SEMA3A: variants seen among roughly 807,000 people sequenced by gnomAD.
SEMA3A encodes the protein semaphorin-3A.
SEMA3A carries 29 observed loss-of-function variants against 97.9 expected under a neutral mutation model. That is an observed-to-expected ratio of 0.30 (90% CI 0.22 to 0.40). The LOEUF (loss-of-function observed/expected upper bound fraction) is 0.40, where lower values mean the gene tolerates loss of function less well. Ranked by LOEUF, SEMA3A falls within the 10% of genes least tolerant of loss-of-function variation. The probability of loss-of-function intolerance (pLI) is 1.00; values close to 1 mark genes in which losing one functional copy is unlikely to be tolerated. For missense variants in SEMA3A, 763 were observed against 951.3 expected (o/e 0.80, Z 2.60); for synonymous variants, 321 against 323.7 (o/e 0.99, Z 0.09).
chr7:84,092,329 T>C (rs1794628360), intron 4 of SEMA3A, among the ~76,000 whole-genome samples: 1 of 152,148 alleles, frequency 6.6e-6, no homozygotes, highest in Admixed American at 6.6e-5. Flanking sequence ...CTTTCAGTGA[T>C]TATCTTTTGA....
At chr7:84,421,461 A>G (rs1401860156) in intron 1 of SEMA3A, among the ~76,000 whole-genome samples, 1 of 152,066 alleles carries the variant, frequency 6.6e-6, no homozygotes, top group Admixed American at 6.6e-5. Flanking sequence ...TAACTGTAGA[A>G]GTAAATATAA....
At chr7:84,330,868 T>C (rs1801894744) in intron 2 of SEMA3A, among the ~76,000 whole-genome samples, 1 of 152,094 alleles carries the variant, frequency 6.6e-6, no homozygotes, top group Non-Finnish European at 1.5e-5. Flanking sequence ...ATGAAAAGTA[T>C]AGAAATGGAT....
chr7:84,292,434 T>TAA (rs768960520), intron 3 of SEMA3A, among the ~76,000 whole-genome samples: 28 of 141,516 alleles, frequency 2.0e-4, no homozygotes, highest in African/African-American at 5.9e-4. Flanking sequence ...AATACTTGAC[T>TAA]AAAAAAAAAA....
chr7:84,215,716 C>T (rs1798737285), intron 3 of SEMA3A, among the ~76,000 whole-genome samples: 1 of 152,142 alleles, frequency 6.6e-6, no homozygotes, highest in African/African-American at 2.4e-5. Context: ...TGGAATTGTG[C>T]CTGGGACATA....
chr7:84,361,407 A>G (rs1802716038), intron 2 of SEMA3A, among the ~76,000 whole-genome samples: 1 of 152,110 alleles, frequency 6.6e-6, no homozygotes, highest in African/African-American at 2.4e-5. Context: ...AAAAATAAGA[A>G]AACTGAAATA....
chr7:84,335,549 G>A (rs12234412), intron 2 of SEMA3A, among the ~76,000 whole-genome samples: 2,707 of 152,180 alleles, frequency 0.018, 79 homozygotes, highest in East Asian at 0.12. Context: ...GCTGAAAAGC[G>A]AAGATTATGC....
At chr7:84,411,531 G>A (rs1634614) in intron 1 of SEMA3A, among the ~76,000 whole-genome samples, 26,603 of 150,626 alleles carry the variant, frequency 0.18, 2,492 homozygotes, top group Middle Eastern at 0.22. Flanking sequence ...TAATATAATT[G>A]CATCAGTTTC....
At chr7:84,044,900 C>G (rs1306836908) in intron 6 of SEMA3A, among the ~76,000 whole-genome samples, 1 of 152,002 alleles carries the variant, frequency 6.6e-6, no homozygotes, top group African/African-American at 2.4e-5. Flanking sequence ...CATTAAAAGC[C>G]AAGGCTGAAG....
intron 12 of SEMA3A, among the ~76,000 whole-genome samples, chr7:83,989,563 C>T (rs547518549): frequency 5.9e-5 from 8 of 135,996 alleles, no homozygotes; most frequent in Middle Eastern, 3.6e-3. Flanking sequence ...TGAGAATATG[C>T]GGTGTTTGGT....
At chr7:84,421,629 T>C (rs1389401772) in intron 1 of SEMA3A, among the ~76,000 whole-genome samples, 6 of 152,162 alleles carry the variant, frequency 3.9e-5, no homozygotes, top group Non-Finnish European at 8.8e-5. Flanking sequence ...CATTTGCTCA[T>C]TCAGTATGAT....
At chr7:84,092,485 A>G (rs190672002) in intron 4 of SEMA3A, among the ~76,000 whole-genome samples, 35 of 152,256 alleles carry the variant, frequency 2.3e-4, no homozygotes, top group African/African-American at 8.2e-4. Context: ...CCTGTGTGTC[A>G]GTTTCCAGGA....
At chr7:84,091,056 C>G (rs905122668) in intron 4 of SEMA3A, among the ~76,000 whole-genome samples, 2 of 143,268 alleles carry the variant, frequency 1.4e-5, no homozygotes, top group African/African-American at 5.1e-5. Flanking sequence ...GCCTGGGGAA[C>G]AGAGTGAGAC....
chr7:84,047,574 C>G (rs1792403753), intron 5 of SEMA3A, among the ~76,000 whole-genome samples: 2 of 151,956 alleles, frequency 1.3e-5, no homozygotes, highest in African/African-American at 4.8e-5. Context: ...ACAGAAAGGA[C>G]CTTGTATTAT....
At chr7:83,971,461 T>G (rs1254939195) in intron 15 of SEMA3A, among the ~76,000 whole-genome samples, 2 of 151,870 alleles carry the variant, frequency 1.3e-5, no homozygotes, top group Non-Finnish European at 2.9e-5. Flanking sequence ...ACAAACTATT[T>G]AATAATATCA....
intron 3 of SEMA3A, among the ~76,000 whole-genome samples, chr7:84,204,560 C>T (rs1304997278): frequency 6.6e-6 from 1 of 152,060 alleles, no homozygotes; most frequent in Non-Finnish European, 1.5e-5. Context: ...TTAGGAGAAA[C>T]AGGAGGCAAC....
intron 3 of SEMA3A, among the ~76,000 whole-genome samples, chr7:84,126,847 A>G (rs893219017): frequency 6.6e-6 from 1 of 152,190 alleles, no homozygotes; most frequent in Non-Finnish European, 1.5e-5. Flanking sequence ...CTAAAGCCCA[A>G]AGAAAGTTAG....
intron 1 of SEMA3A, among the ~76,000 whole-genome samples, chr7:84,150,872 C>T (rs1796633440): frequency 6.6e-6 from 1 of 151,384 alleles, no homozygotes; most frequent in African/African-American, 2.4e-5. Flanking sequence ...AGTGGTTCTC[C>T]CAGCACGCAG....
chr7:84,465,199 C>A (rs1326998528), intron 1 of SEMA3A, among the ~76,000 whole-genome samples: 1 of 152,054 alleles, frequency 6.6e-6, no homozygotes, highest in Non-Finnish European at 1.5e-5. Flanking sequence ...TTATATACAA[C>A]CAGTGTTTTC....
chr7:84,221,983 T>C (rs1038850038), intron 3 of SEMA3A, among the ~76,000 whole-genome samples: 1 of 151,884 alleles, frequency 6.6e-6, no homozygotes, highest in Non-Finnish European at 1.5e-5. Context: ...AAGTGAAGCA[T>C]AATAAAACAA....
Sources: allele counts gnomAD v4.1 joint callset (sites outside exome capture counted in the v4.1 genomes callset), GRCh38; gene constraint gnomAD v4.1.1; transcripts MANE v1.5; gene names NCBI Gene and HGNC (gene_info 2026-07-23, HGNC 2026-07-21).